Variants in HK1 observed in about 807,000 individuals in gnomAD.
HK1 encodes hexokinase-1.
A neutral mutation model predicts 91.6 loss-of-function variants in HK1; 28 were observed. The observed-to-expected ratio is 0.31, with a 90% CI of 0.23 to 0.42. The LOEUF is 0.42. HK1 is among the 10% of genes least tolerant of loss of function. The pLI is 1.00. For synonymous variants in HK1, 430 were observed against 468.1 expected, an observed-to-expected ratio of 0.92 and a Z score of 1.05; for missense variants, 770 against 1,219.8, an observed-to-expected ratio of 0.63 and a Z score of 5.49.
intron 7 of HK1, 42 bp from the exon 8 acceptor site, chr10:69,376,892 G>A (rs747399792): frequency 7.4e-6 from 12 of 1,611,190 alleles, no homozygotes; most frequent in African/African-American, 2.7e-5. Flanking sequence ...TGTGTGGGGC[G>A]CAGAGGAAGG....
chr10:69,295,722 T>TTCCTTCTGTAACA, intron 4 of HK1: 1 of 1,323,042 alleles, frequency 7.6e-7, no homozygotes, highest in South Asian at 1.2e-5. Flanking sequence ...CTGTAACATT[T>TTCCTTCTGTAACA]TCTGTAAAAG....
At chr10:69,390,225 T>C (rs1839834232) in intron 14 of HK1, among the ~76,000 whole-genome samples, 1 of 152,240 alleles carries the variant, frequency 6.6e-6, no homozygotes, top group African/African-American at 2.4e-5. Flanking sequence ...CCTGGCTTTC[T>C]CCACCCAGCC....
Position 69,278,033 on chromosome 10 carries a change from C to CAAA in HK1, c.-390-4486_-390-4484dup, listed in dbSNP as rs34610927. On this transcript the variant is annotated intron_variant, in intron 1 of 21. Coordinates refer to the HK1 transcript ENST00000360289. The stretch of plus-strand genomic sequence containing the variant: ...GGGCAACAACAGCGAGACTCCGTCT[C>CAAA]AAAAAAAAAAAAGGTTTGTTTTATA... 1.3e-3 allele frequency among the ~76,000 whole-genome samples: 185 copies of CAAA among 146,484 alleles called. 1 individual carries two copies. The highest frequency in any genetic ancestry group is 0.01 in the East Asian group (51 of 5,052).
rs1460403835 is a variant in HK1 at position 69,369,098 on chromosome 10, T to A, written c.592-139T>A. The A allele has an allele frequency of 4.2e-6, 3 of 715,960 alleles. No homozygotes were observed. The highest frequency in any genetic ancestry group is 7.7e-6 in the Non-Finnish European group (3 of 390,128). The allele number at this position is 715,960 out of a possible 1,614,324, so 44.4% of individuals were successfully genotyped here. Reference sequence around the variant, plus strand: ...CATGCTCTGATCTAGTTAATTTGAGTACCAGCTGTAATGAAACCAGTACCA... The same window carrying A: ...CATGCTCTGATCTAGTTAATTTGAGAACCAGCTGTAATGAAACCAGTACCA... On this transcript the variant is annotated intron_variant, in intron 5 of 17. Transcript: ENST00000359426. The surrounding 1 kb of genome is among the most constrained non-coding windows in gnomAD (Gnocchi z 4.4).
At chr10:69,339,456 C>T (rs1022744075) in intron 1 of HK1, among the ~76,000 whole-genome samples, 1 of 152,222 alleles carries the variant, frequency 6.6e-6, no homozygotes, top group Non-Finnish European at 1.5e-5. Context: ...CTTTTGGCCC[C>T]AGTATTCATG....
At chr10:69,295,605 CACTTT>C in intron 3 of HK1, 1 of 1,548,238 alleles carries the variant, frequency 6.5e-7, no homozygotes, top group Non-Finnish European at 8.9e-7. Context: ...GCATTTGTAA[CACTTT>C]ACTTGTCCTG....
intron 7 of HK1, among the ~76,000 whole-genome samples, chr10:69,372,649 G>A (rs556058474): frequency 8.5e-5 from 13 of 152,294 alleles, no homozygotes; most frequent in African/African-American, 2.6e-4. Flanking sequence ...GGTTTTCAGA[G>A]TGAGCTTCCA....
At chr10:69,347,164 C>A (rs1299828717) in intron 2 of HK1, among the ~76,000 whole-genome samples, 2 of 152,034 alleles carry the variant, frequency 1.3e-5, no homozygotes, top group Non-Finnish European at 2.9e-5. Flanking sequence ...GCACCTGCCA[C>A]CATGCCCAGC....
chr10:69,348,395 A>T (rs937822074), intron 2 of HK1, among the ~76,000 whole-genome samples: 1 of 152,174 alleles, frequency 6.6e-6, no homozygotes, highest in Non-Finnish European at 1.5e-5. Context: ...ATATGGAAGG[A>T]TAGTTGGGTT....
chr10:69,373,691 G>C (rs1242346682), intron 7 of HK1, among the ~76,000 whole-genome samples: 1 of 151,336 alleles, frequency 6.6e-6, no homozygotes, highest in African/African-American at 2.4e-5. Context: ...CCCAGGCTTA[G>C]GTGATCCTCC....
At chr10:69,340,543 C>T (rs1433672409) in intron 1 of HK1, among the ~76,000 whole-genome samples, 1 of 152,180 alleles carries the variant, frequency 6.6e-6, no homozygotes, top group East Asian at 1.9e-4. Flanking sequence ...AGCCATTGCT[C>T]CCGGCCTTAA....
chr10:69,392,208 A>G lies in HK1; in HGVS notation c.2119A>G (p.Met707Val), dbSNP rs767453040. Residue 707 changes from methionine to valine, a missense_variant, in exon 15 of 18, where the codon ATG becomes GTG. Met to Val is a conservative substitution (Grantham distance 21). Coordinates refer to ENST00000359426, the MANE Select transcript of HK1 (RefSeq NM_000188.3). ...EGDQGQMCINMEWGAFGDNGC... is the reference protein window; with the variant it reads ...EGDQGQMCINVEWGAFGDNGC... ...GGACCAGGGGCAGATGTGCATCAAC[A>G]TGGAGTGGGGGGCCTTTGGGGACAA... The G allele has an allele frequency of 3.1e-6, 5 of 1,614,192 alleles. No homozygotes were observed. The highest frequency in any genetic ancestry group is 2.2e-5 in the East Asian group (1 of 44,882).
intron 2 of HK1, among the ~76,000 whole-genome samples, chr10:69,346,216 A>G (rs943407652): frequency 6.6e-6 from 1 of 152,192 alleles, no homozygotes; most frequent in Non-Finnish European, 1.5e-5. Flanking sequence ...CCTTTTTGAA[A>G]TGTTAATCAC....
At chr10:69,319,330 G>T (rs566078099) in intron 1 of HK1, among the ~76,000 whole-genome samples, 1 of 152,216 alleles carries the variant, frequency 6.6e-6, no homozygotes, top group African/African-American at 2.4e-5. Context: ...GGGCCCTTCC[G>T]CAGGGCCTGT....
At chr10:69,310,598 G>C (rs1846326352) in intron 5 of HK1, among the ~76,000 whole-genome samples, 1 of 152,122 alleles carries the variant, frequency 6.6e-6, no homozygotes, top group Non-Finnish European at 1.5e-5. Context: ...TTGATAAAGA[G>C]TCAGTCTGTA....
chr10:69,386,474 A>G, intron 13 of HK1, 56 bp downstream of exon 13: 1 of 1,375,072 alleles, frequency 7.3e-7, no homozygotes, highest in Non-Finnish European at 1.0e-6. Context: ...GCTTCTAAAA[A>G]GTGTATTTGC....
Position 69,379,981 on chromosome 10 carries a change from A to G in HK1, c.1151A>G (p.Asn384Ser). Residue 384 changes from asparagine (N) to serine (S), a missense_variant, in exon 9 of 18, where the codon AAC becomes AGC. This residue lies in a region of HK1 where 449 missense variants were observed against 665.1 expected (regional missense o/e 0.68). Coordinates refer to ENST00000359426, the MANE Select transcript of HK1 (RefSeq NM_000188.3). ...VCTIVSFRSA[N>S]LVAATLGAIL... ...ACCATTGTCTCATTTCGCTCAGCCA[A>G]CTTGGTGGCTGCCACACTGGGCGCC... The G allele has an allele frequency of 1.2e-6, 2 of 1,614,082 alleles. No individual in the cohort carries two copies. The highest frequency in any genetic ancestry group is 1.7e-6 in the Non-Finnish European group (2 of 1,179,978).
chr10:69,306,985 T>C (rs1207953868), intron 5 of HK1, among the ~76,000 whole-genome samples: 1 of 152,134 alleles, frequency 6.6e-6, no homozygotes, highest in African/African-American at 2.4e-5. Flanking sequence ...GTTTCACAAA[T>C]ATGTGTTGGG....
intron 2 of HK1, among the ~76,000 whole-genome samples, chr10:69,345,334 T>G (rs1473612504): frequency 6.6e-6 from 1 of 152,190 alleles, no homozygotes; most frequent in Non-Finnish European, 1.5e-5. Flanking sequence ...CTGAAGAGAT[T>G]CTGGCCATCA....
Sources: allele counts gnomAD v4.1 joint callset (sites outside exome capture counted in the v4.1 genomes callset), GRCh38; gene constraint gnomAD v4.1.1; regional missense constraint gnomAD v4.1.1; non-coding constraint Gnocchi (gnomAD v3.1); transcripts MANE v1.5; gene names NCBI Gene and HGNC (gene_info 2026-07-23, HGNC 2026-07-21).